SUGCT: variants seen among roughly 807,000 people sequenced by gnomAD.
The protein encoded by SUGCT is succinyl-CoA:glutarate-CoA transferase.
In SUGCT, 41 loss-of-function variants were observed where a neutral mutation model predicts 55.0. The observed-to-expected ratio is 0.74, with a 90% CI of 0.58 to 0.97. SUGCT has a LOEUF of 0.97. Ranked by LOEUF, SUGCT falls within the 50% of genes least tolerant of loss-of-function variation. The pLI is 0.00. For missense variants in SUGCT, 568 were observed against 547.8 expected, an observed-to-expected ratio of 1.04 and a Z score of -0.37; for synonymous variants, 187 against 200.4, an observed-to-expected ratio of 0.93 and a Z score of 0.56.
chr7:40,832,705 C>T (rs1421101909), intron 13 of SUGCT, among the ~76,000 whole-genome samples: 9 of 149,174 alleles, frequency 6.0e-5, no homozygotes, highest in African/African-American at 1.7e-4. Context: ...GACAGAGTCT[C>T]ACTCTGTCAC....
intron 12 of SUGCT, among the ~76,000 whole-genome samples, chr7:40,594,380 T>A (rs1797892363): frequency 6.6e-6 from 1 of 152,030 alleles, no homozygotes; most frequent in Non-Finnish European, 1.5e-5. Context: ...ATATTATCTG[T>A]TCTACCCAAG....
At chr7:40,254,869 T>C (rs1790696776) in intron 7 of SUGCT, among the ~76,000 whole-genome samples, 1 of 151,978 alleles carries the variant, frequency 6.6e-6, no homozygotes, top group Non-Finnish European at 1.5e-5. Flanking sequence ...GATCCTTTAG[T>C]TTTTATGTGA....
At chr7:40,868,055 C>A in the SUGCT span, among the ~76,000 whole-genome samples, 1 of 152,146 alleles carries the variant, frequency 6.6e-6, no homozygotes, top group Non-Finnish European at 1.5e-5. Context: ...TATTTTACTA[C>A]TCATAGTGTC....
intron 8 of SUGCT, among the ~76,000 whole-genome samples, chr7:40,310,717 TG>T (rs1408809181): frequency 4.6e-5 from 7 of 152,230 alleles, no homozygotes; most frequent in African/African-American, 1.7e-4. Flanking sequence ...TATATTGTTT[TG>T]TTGTGTCATT....
chr7:40,556,588 A>G (rs1199364919), intron 12 of SUGCT, among the ~76,000 whole-genome samples: 5 of 152,214 alleles, frequency 3.3e-5, no homozygotes, highest in Admixed American at 2.0e-4. Context: ...GGAGTGTAGC[A>G]TAATAGGAGC....
At chr7:40,752,283 G>A (rs1002281741) in intron 13 of SUGCT, among the ~76,000 whole-genome samples, 6 of 152,172 alleles carry the variant, frequency 3.9e-5, no homozygotes, top group Admixed American at 3.9e-4. Flanking sequence ...AAACCACAGT[G>A]CTATGTAAGA....
At chr7:40,340,037 C>T (rs1796960692) in intron 9 of SUGCT, among the ~76,000 whole-genome samples, 1 of 152,220 alleles carries the variant, frequency 6.6e-6, no homozygotes, top group Non-Finnish European at 1.5e-5. Flanking sequence ...GCTTCTTAGA[C>T]TTCCTAGAAC....
chr7:40,948,611 C>T, the SUGCT span, among the ~76,000 whole-genome samples: 16 of 151,910 alleles, frequency 1.1e-4, no homozygotes, highest in Non-Finnish European at 2.1e-4. Flanking sequence ...CCCTTTCCCC[C>T]ACCCGCCGAC....
In SUGCT at chr7:40,445,533, A is replaced by G. The variant is rs1232298904; in HGVS notation, c.817-3754A>G. Reference sequence around the variant, plus strand: ...AGTCTACCAACCAAAAAAGTCTAGGATCAGGCGGATTCACAGCCAAATTCT... The same window carrying G: ...AGTCTACCAACCAAAAAAGTCTAGGGTCAGGCGGATTCACAGCCAAATTCT... On this transcript the variant is annotated intron_variant, in intron 9 of 13. Coordinates refer to ENST00000335693, the MANE Select transcript of SUGCT (RefSeq NM_001193313.2). Among the ~76,000 whole-genome samples the G allele has an allele frequency of 2.0e-5, 3 of 152,142 alleles. No homozygotes were observed. The East Asian group carries it at 5.8e-4, about 29-fold the overall frequency.
At chr7:40,808,354 A>G (rs978494920) in intron 13 of SUGCT, 2 of 152,316 alleles carry the variant, frequency 1.3e-5, no homozygotes, top group Non-Finnish European at 2.9e-5. Context: ...CTTCTGGAAA[A>G]TGAAGAATGC....
chr7:41,002,912 A>C, the SUGCT span, among the ~76,000 whole-genome samples: 2 of 152,090 alleles, frequency 1.3e-5, no homozygotes, highest in African/African-American at 4.8e-5. Flanking sequence ...TGTTACTAGG[A>C]CAGATGAGTC....
chr7:40,391,269 C>G (rs1449883688), intron 9 of SUGCT, among the ~76,000 whole-genome samples: 1 of 152,100 alleles, frequency 6.6e-6, no homozygotes, highest in African/African-American at 2.4e-5. Flanking sequence ...CAACAGAAGC[C>G]AAAATTGACA....
At chr7:40,934,389 T>C in the SUGCT span, among the ~76,000 whole-genome samples, 1 of 152,314 alleles carries the variant, frequency 6.6e-6, no homozygotes, top group East Asian at 1.9e-4. Context: ...TTAGGCTACA[T>C]GGGAGTCAGG....
chr7:40,736,456 A>C (rs1458812243), intron 12 of SUGCT, among the ~76,000 whole-genome samples: 1 of 151,600 alleles, frequency 6.6e-6, no homozygotes, highest in Non-Finnish European at 1.5e-5. Flanking sequence ...AATTTTTCAG[A>C]CTCAGGAAGT....
intron 8 of SUGCT, among the ~76,000 whole-genome samples, chr7:40,299,699 A>C (rs1202928346): frequency 6.6e-6 from 1 of 152,176 alleles, no homozygotes; most frequent in East Asian, 1.9e-4. Context: ...CCAATTTATA[A>C]TCTCTGACAG....
intron 7 of SUGCT, among the ~76,000 whole-genome samples, chr7:40,258,514 G>A (rs1369087395): frequency 2.0e-5 from 3 of 152,164 alleles, no homozygotes; most frequent in Admixed American, 6.5e-5. Context: ...GAGTAGCTGG[G>A]ATTACAGGAG....
At chr7:40,840,736 T>C (rs866915527) in intron 13 of SUGCT, among the ~76,000 whole-genome samples, 1 of 151,964 alleles carries the variant, frequency 6.6e-6, no homozygotes, top group South Asian at 2.1e-4. Flanking sequence ...AAATTGAAAA[T>C]AGGAGAATAG....
chr7:40,933,453 G>T, the SUGCT span, among the ~76,000 whole-genome samples: 1 of 152,114 alleles, frequency 6.6e-6, no homozygotes, highest in Admixed American at 6.5e-5. Context: ...GGCATTCTCT[G>T]TATTTCCTGA....
At chr7:40,357,866 A>T (rs1294624176) in intron 9 of SUGCT, among the ~76,000 whole-genome samples, 1 of 152,054 alleles carries the variant, frequency 6.6e-6, no homozygotes, top group African/African-American at 2.4e-5. Flanking sequence ...TGGGTCATCC[A>T]AAAATGGACA....
Sources: allele counts gnomAD v4.1 joint callset (sites outside exome capture counted in the v4.1 genomes callset), GRCh38; gene constraint gnomAD v4.1.1; transcripts MANE v1.5; gene names NCBI Gene and HGNC (gene_info 2026-07-23, HGNC 2026-07-21).